Variants in SPOCK3 observed in about 807,000 individuals in gnomAD.
SPOCK3 encodes the protein testican-3.
Under a neutral mutation model 56.6 loss-of-function variants are expected in SPOCK3, and 30 were observed. The ratio of observed to expected loss-of-function variants is 0.53; its 90% CI spans 0.40 to 0.72. The LOEUF (loss-of-function observed/expected upper bound fraction) is 0.72, where lower values mean the gene tolerates loss of function less well. SPOCK3 is among the 30% of genes least tolerant of loss of function. The pLI, the probability that SPOCK3 is intolerant of heterozygous loss-of-function variation, is 0.00. For missense variants in SPOCK3, 527 were observed against 530.0 expected, an observed-to-expected ratio of 0.99 and a Z score of 0.06; for synonymous variants, 196 against 183.3, an observed-to-expected ratio of 1.07 and a Z score of -0.56.
intron 2 of SPOCK3, chr4:167,083,175 T>C (rs1304367480): frequency 1.3e-6 from 1 of 764,708 alleles, no homozygotes; most frequent in African/African-American, 1.7e-5. Context: ...AGACAAGATG[T>C]ATTGAGATAG....
rs10007162 is a variant in SPOCK3, at chr4:166,745,470, T to C, written c.932-3411A>G. Among the ~76,000 whole-genome samples the C allele has an allele frequency of 9.7e-3, 1,472 of 152,220 alleles. 26 individuals carry two copies. Among genetic ancestry groups the C allele is most frequent in the African/African-American group, 0.033 (1,391 of 41,540 alleles). On this transcript the variant is annotated intron_variant, in intron 8 of 10. Transcript: ENST00000357545. ...TTTTCTCACCACCAGGCCTGCCTTA[T>C]AAGAGCTCCTGAAGAAAGCACTAAA...
At chr4:167,147,737 C>T (rs1214846810) in intron 2 of SPOCK3, among the ~76,000 whole-genome samples, 1 of 152,098 alleles carries the variant, frequency 6.6e-6, no homozygotes, top group Non-Finnish European at 1.5e-5. Flanking sequence ...CATGTTCTCA[C>T]TCATAAGTGA....
chr4:166,776,782 A>G (rs1481523825), intron 7 of SPOCK3, among the ~76,000 whole-genome samples: 1 of 152,206 alleles, frequency 6.6e-6, no homozygotes, highest in African/African-American at 2.4e-5. Context: ...AAAAGAAAGA[A>G]ATATAACCAC....
intron 9 of SPOCK3, among the ~76,000 whole-genome samples, chr4:166,741,607 C>T (rs977451220): frequency 1.3e-5 from 2 of 152,126 alleles, no homozygotes; most frequent in Admixed American, 6.6e-5. Context: ...CCCTGAGGTA[C>T]TCAGAGCACT....
In SPOCK3 at chr4:166,734,899, T is replaced by G. The variant is rs768790980; in HGVS notation, c.*22A>C. 6.8e-7 allele frequency: 1 copy of G among 1,479,060 alleles called. No homozygotes were observed. The highest frequency in any genetic ancestry group is 1.3e-5 in the South Asian group (1 of 75,692). The allele number at this position is 1,479,060 out of a possible 1,614,324, so 91.6% of individuals were successfully genotyped here. A position where few individuals can be genotyped will look rare whatever the true frequency, so the allele number is the denominator to read the frequency against. Reference sequence around the variant, plus strand: ...TTGTAAATATTAGAAATGTAGAATTTATTGATTTCAACTGTCATCAATCAA... The same window carrying G: ...TTGTAAATATTAGAAATGTAGAATTGATTGATTTCAACTGTCATCAATCAA... On this transcript the variant is annotated 3_prime_UTR_variant, in exon 11 of 11. Transcript: ENST00000357545.
chr4:167,066,441 C>G (rs1286615047), intron 2 of SPOCK3, among the ~76,000 whole-genome samples: 2 of 151,814 alleles, frequency 1.3e-5, no homozygotes, highest in African/African-American at 4.8e-5. Context: ...TTGAATACAG[C>G]TGATGTAGAG....
At chr4:167,155,691 T>C (rs895331691) in intron 2 of SPOCK3, among the ~76,000 whole-genome samples, 1 of 152,014 alleles carries the variant, frequency 6.6e-6, no homozygotes, top group South Asian at 2.1e-4. Context: ...CAGGAAAACA[T>C]AGAAAGGCTT....
At chr4:167,055,788 A>G (rs1279412077) in intron 3 of SPOCK3, among the ~76,000 whole-genome samples, 1 of 152,192 alleles carries the variant, frequency 6.6e-6, no homozygotes, top group Non-Finnish European at 1.5e-5. Context: ...TAGATAAACA[A>G]AGCAGCCAGG....
chr4:167,001,504 T>C (rs1344705341), intron 3 of SPOCK3, among the ~76,000 whole-genome samples: 2 of 152,248 alleles, frequency 1.3e-5, no homozygotes, highest in East Asian at 1.9e-4. Context: ...ATTTTACATA[T>C]ATACCACATT....
At chr4:166,814,708 G>C (rs1276651996) in intron 6 of SPOCK3, among the ~76,000 whole-genome samples, 1 of 152,028 alleles carries the variant, frequency 6.6e-6, no homozygotes, top group Non-Finnish European at 1.5e-5. Context: ...TTGAGGATTT[G>C]GGTGGACTGA....
At chr4:166,880,221 CTG>C (rs1234250787) in intron 6 of SPOCK3, among the ~76,000 whole-genome samples, 1 of 152,178 alleles carries the variant, frequency 6.6e-6, no homozygotes, top group Non-Finnish European at 1.5e-5. Context: ...TAGCTGAAGT[CTG>C]TGGTCATTTC....
chr4:167,057,550 TGCAGAGA>T (rs1316450938), intron 3 of SPOCK3, among the ~76,000 whole-genome samples: 3 of 151,964 alleles, frequency 2.0e-5, no homozygotes, highest in Admixed American at 6.6e-5. Context: ...CCATCTCATG[TGCAGAGA>T]CACACATAGG....
At chr4:166,816,897 G>A (rs1276908322) in intron 6 of SPOCK3, among the ~76,000 whole-genome samples, 1 of 152,000 alleles carries the variant, frequency 6.6e-6, no homozygotes, top group Non-Finnish European at 1.5e-5. Flanking sequence ...GGGGTTTGAT[G>A]CCCTTTTATC....
At chr4:167,142,198 C>A (rs2150400568) in intron 2 of SPOCK3, among the ~76,000 whole-genome samples, 2 of 151,894 alleles carry the variant, frequency 1.3e-5, no homozygotes, top group Admixed American at 1.3e-4. Context: ...GGTCCCCAAG[C>A]AATATGAGCA....
chr4:167,132,464 C>T (rs1208740731), intron 2 of SPOCK3, among the ~76,000 whole-genome samples: 3 of 152,116 alleles, frequency 2.0e-5, no homozygotes, highest in African/African-American at 4.8e-5. Context: ...TATACAGTTA[C>T]AGTTTATGAA....
chr4:166,773,508 T>G (rs1317325301), intron 7 of SPOCK3, among the ~76,000 whole-genome samples: 1 of 152,196 alleles, frequency 6.6e-6, no homozygotes, highest in Non-Finnish European at 1.5e-5. Flanking sequence ...GTTGAAAAAT[T>G]TATACCAGAG....
chr4:167,209,311 T>G (rs894951530), intron 2 of SPOCK3, among the ~76,000 whole-genome samples: 1 of 152,146 alleles, frequency 6.6e-6, no homozygotes, highest in Non-Finnish European at 1.5e-5. Flanking sequence ...GAAGCAAATA[T>G]GTTTTTTGAT....
intron 2 of SPOCK3, among the ~76,000 whole-genome samples, chr4:167,066,544 T>C (rs1756153510): frequency 6.6e-6 from 1 of 151,968 alleles, no homozygotes. Context: ...ATATTGAAAG[T>C]ATATTAAACA....
chr4:166,807,204 T>C (rs1199548098), intron 6 of SPOCK3, among the ~76,000 whole-genome samples: 3 of 151,702 alleles, frequency 2.0e-5, no homozygotes, highest in Non-Finnish European at 2.9e-5. Flanking sequence ...TAATAAGCAA[T>C]CTGTAGTGAG....
Sources: allele counts gnomAD v4.1 joint callset (sites outside exome capture counted in the v4.1 genomes callset), GRCh38; gene constraint gnomAD v4.1.1; transcripts MANE v1.5; gene names NCBI Gene and HGNC (gene_info 2026-07-23, HGNC 2026-07-21).